The following B4GALNT3 variants were observed in gnomAD, a reference collection of about 807,000 sequenced individuals.
The protein encoded by B4GALNT3 is beta-1,4-N-acetylgalactosaminyltransferase 3.
A neutral mutation model predicts 120.2 loss-of-function variants in B4GALNT3; 86 were observed. That is an observed-to-expected ratio of 0.72 (90% confidence interval 0.60 to 0.86). The LOEUF (loss-of-function observed/expected upper bound fraction) is 0.86. B4GALNT3 is among the 40% of genes least tolerant of loss of function. The probability of loss-of-function intolerance (pLI) is 0.00; values close to 1 mark genes in which losing one functional copy is unlikely to be tolerated. For missense variants in B4GALNT3, 1,167 were observed against 1,298.9 expected, an observed-to-expected ratio of 0.90 and a Z score of 1.56; for synonymous variants, 518 against 510.4, an observed-to-expected ratio of 1.01 and a Z score of -0.20.
chr12:535,020 G>A (rs550129245), intron 1 of B4GALNT3, 146 bp from the exon 2 acceptor site: 3 of 602,030 alleles, frequency 5.0e-6, no homozygotes, highest in African/African-American at 3.7e-5. Flanking sequence ...GCTATCTCCT[G>A]CCCCCAGCCC....
In B4GALNT3 at chr12:553,529, C is replaced by T. The variant is rs151321644; in HGVS notation, c.1606C>T (p.His536Tyr). 10,043 of 1,614,004 alleles carry T rather than the reference C, an allele frequency of 6.2e-3. 77 individuals carry two copies. Among genetic ancestry groups the T allele is most frequent in the Middle Eastern group, 0.023 (141 of 6,062 alleles). Residue 536 changes from histidine to tyrosine, a missense_variant, in exon 14 of 20, where the codon CAC becomes TAC. Physicochemically the swap from His to Tyr is moderately conservative, Grantham distance 83. Around this residue, in one of 3 missense-constraint regions of B4GALNT3, gnomAD observed 983 missense variants for 1,102.5 expected, o/e 0.89. Transcript: ENST00000266383. ...SPHSDKWPPG[H>Y]PVKNLPQMRG... Reference sequence around the variant, plus strand: ...TCATTCCGACAAGTGGCCTCCTGGGCACCCTGTGAAGAACCTGCCTCAGAT... The same window carrying T: ...TCATTCCGACAAGTGGCCTCCTGGGTACCCTGTGAAGAACCTGCCTCAGAT...
intron 1 of B4GALNT3, among the ~76,000 whole-genome samples, chr12:504,086 G>C (rs931149445): frequency 2.0e-5 from 3 of 151,108 alleles, no homozygotes; most frequent in African/African-American, 7.3e-5. Flanking sequence ...AGGCACTCCA[G>C]CCTGGGAGAC....
intron 1 of B4GALNT3, among the ~76,000 whole-genome samples, chr12:518,486 A>C (rs1381365302): frequency 6.6e-6 from 1 of 152,104 alleles, no homozygotes; most frequent in East Asian, 1.9e-4. Context: ...ATCATAGCTC[A>C]CTGCAGACTC....
chr12:557,509 G>A, intron 15 of B4GALNT3, 99 bp from the exon 16 acceptor site: 1 of 1,272,434 alleles, frequency 7.9e-7, no homozygotes, highest in South Asian at 1.4e-5. Context: ...GAGGTCCGAT[G>A]GGCACTCCTG....
At chr12:541,743 G>C (rs897995038) in intron 3 of B4GALNT3, among the ~76,000 whole-genome samples, 1 of 151,798 alleles carries the variant, frequency 6.6e-6, no homozygotes, top group Admixed American at 6.6e-5. Flanking sequence ...ATCATCTGAT[G>C]ATCCCTTTGC....
At chr12:551,954 C>A in intron 11 of B4GALNT3, 109 bp from the exon 12 acceptor site, 1 of 831,192 alleles carries the variant, frequency 1.2e-6, no homozygotes, top group South Asian at 1.4e-5. Context: ...AAGGGCGGGT[C>A]CCTAGCAGCC....
At chr12:500,970 C>A (rs890159234) in intron 1 of B4GALNT3, among the ~76,000 whole-genome samples, 1 of 148,768 alleles carries the variant, frequency 6.7e-6, no homozygotes, top group Non-Finnish European at 1.5e-5. Context: ...CAGGTTCAAG[C>A]GATTCTCCTG....
chr12:505,339 C>A (rs1219933689), intron 1 of B4GALNT3, among the ~76,000 whole-genome samples: 1 of 152,202 alleles, frequency 6.6e-6, no homozygotes, highest in East Asian at 1.9e-4. Context: ...CAGTGACCAC[C>A]AGGCCAACCT....
In B4GALNT3 at chr12:559,518, G is replaced by A. The variant is rs1025331850; in HGVS notation, c.2888+97G>A. ...AGCAGCCTAGCTGTCCCCCTCGGCC[G>A]CAGAGTCCCAAAGCACAGTAAAGAG... On this transcript the variant is annotated intron_variant, in intron 19 of 19. Transcript: ENST00000266383. 2.5e-5 allele frequency: 38 copies of A among 1,536,346 alleles called. No individual in the cohort carries two copies. The Admixed American group carries it at 3.9e-4, about 16-fold the overall frequency.
chr12:544,807 C>A, intron 4 of B4GALNT3, 75 bp from the exon 5 acceptor site: 1 of 1,473,166 alleles, frequency 6.8e-7, no homozygotes, highest in South Asian at 1.2e-5. Flanking sequence ...CCCTCCTGGT[C>A]TTCCCGCCAA....
At chr12:524,712 G>A (rs1401799478) in intron 1 of B4GALNT3, among the ~76,000 whole-genome samples, 1 of 151,964 alleles carries the variant, frequency 6.6e-6, no homozygotes, top group Non-Finnish European at 1.5e-5. Flanking sequence ...AGATGTTGTA[G>A]TTCTTGGGCA....
chr12:509,550 T>G (rs1946527166), intron 1 of B4GALNT3, among the ~76,000 whole-genome samples: 1 of 152,154 alleles, frequency 6.6e-6, no homozygotes, highest in South Asian at 2.1e-4. Context: ...CTAAATCAGG[T>G]CTCTGCTCCT....
intron 1 of B4GALNT3, among the ~76,000 whole-genome samples, chr12:471,259 C>A (rs1946132714): frequency 6.6e-6 from 1 of 151,348 alleles, no homozygotes; most frequent in Non-Finnish European, 1.5e-5. Flanking sequence ...GTGGCACATG[C>A]CTGTAATCCA....
chr12:536,110 G>T, intron 2 of B4GALNT3, 108 bp from the exon 3 acceptor site: 1 of 805,636 alleles, frequency 1.2e-6, no homozygotes. Flanking sequence ...ACAGACGGCA[G>T]CGTGCTCCGA....
intron 6 of B4GALNT3, 109 bp downstream of exon 6, chr12:545,578 G>A (rs1946983490): frequency 1.8e-6 from 2 of 1,122,702 alleles, no homozygotes; most frequent in African/African-American, 1.6e-5. Context: ...CAGCGGGGAA[G>A]AAGGGGTGGA....
chr12:530,483 C>T (rs1472783582), intron 1 of B4GALNT3, among the ~76,000 whole-genome samples: 2 of 152,210 alleles, frequency 1.3e-5, no homozygotes, highest in Non-Finnish European at 2.9e-5. Context: ...GTATGAATCA[C>T]ACCAGGCGTC....
intron 7 of B4GALNT3, 56 bp downstream of exon 7, chr12:546,769 G>A: frequency 6.7e-7 from 1 of 1,496,298 alleles, no homozygotes; most frequent in Non-Finnish European, 9.1e-7. Flanking sequence ...GTGGAGCCCG[G>A]CTGCGCCCCT....
rs140510132 is a variant in B4GALNT3 at position 533,832 on chromosome 12, G to A, written c.170-1334G>A. Among the ~76,000 whole-genome samples, 575 of 152,266 alleles carry A rather than the reference G, an allele frequency of 3.8e-3. 1 individual carries two copies. The highest frequency in any genetic ancestry group is 0.027 in the Middle Eastern group (8 of 294). On this transcript the variant is annotated intron_variant, in intron 1 of 19. Coordinates refer to ENST00000266383, the MANE Select transcript of B4GALNT3 (RefSeq NM_173593.4). ...TCTCACCCCACACCTGCATTTCAGC[G>A]TGCAGCCCCTGATCCCACCCCTCCC...
intron 1 of B4GALNT3, among the ~76,000 whole-genome samples, chr12:517,450 G>A (rs766320427): frequency 7.9e-5 from 12 of 152,158 alleles, no homozygotes; most frequent in Non-Finnish European, 1.5e-4. Context: ...AAGCTTCTGG[G>A]TTCCAGTCAG....
Sources: allele counts gnomAD v4.1 joint callset (sites outside exome capture counted in the v4.1 genomes callset), GRCh38; gene constraint gnomAD v4.1.1; regional missense constraint gnomAD v4.1.1; transcripts MANE v1.5; gene names NCBI Gene and HGNC (gene_info 2026-07-23, HGNC 2026-07-21).